Variants in KPNA4 observed in about 807,000 individuals in gnomAD.
KPNA4 encodes the protein importin subunit alpha-3.
Under a neutral mutation model 71.3 loss-of-function variants are expected in KPNA4, and 13 were observed. The ratio of observed to expected loss-of-function variants is 0.18; its 90% CI spans 0.12 to 0.29. The LOEUF (loss-of-function observed/expected upper bound fraction) is 0.29, where lower values mean the gene tolerates loss of function less well. KPNA4 is among the 10% of genes least tolerant of loss of function. The pLI is 1.00. For synonymous variants in KPNA4, 189 were observed against 195.2 expected, an observed-to-expected ratio of 0.97 and a Z score of 0.26; for missense variants, 334 against 603.2, an observed-to-expected ratio of 0.55 and a Z score of 4.67.
chr3:160,518,783 C>T (rs970419043), intron 11 of KPNA4, among the ~76,000 whole-genome samples: 1 of 151,962 alleles, frequency 6.6e-6, no homozygotes, highest in African/African-American at 2.4e-5. Flanking sequence ...ACTGCTTGAA[C>T]CTGGGAGGCA....
chr3:160,548,244 A>G (rs1047366608), intron 1 of KPNA4, among the ~76,000 whole-genome samples: 3 of 152,114 alleles, frequency 2.0e-5, no homozygotes, highest in African/African-American at 7.2e-5. Flanking sequence ...GGTAATATAT[A>G]CATAACAATA....
chr3:160,538,925 T>A (rs1721740574), intron 1 of KPNA4, among the ~76,000 whole-genome samples: 1 of 152,192 alleles, frequency 6.6e-6, no homozygotes, highest in Non-Finnish European at 1.5e-5. Flanking sequence ...TCCTTATCTA[T>A]AAAATTGGGA....
intron 1 of KPNA4, among the ~76,000 whole-genome samples, chr3:160,542,683 G>A (rs1286875456): frequency 1.3e-5 from 2 of 152,086 alleles, no homozygotes; most frequent in African/African-American, 4.8e-5. Context: ...TACTAGTGAT[G>A]GGCAAAAGTC....
intron 10 of KPNA4, among the ~76,000 whole-genome samples, chr3:160,525,408 A>T (rs1392629598): frequency 6.6e-6 from 1 of 152,214 alleles, no homozygotes; most frequent in Non-Finnish European, 1.5e-5. Context: ...TCATTGGCCA[A>T]ACTGTCAAAA....
chr3:160,534,586 C>T (rs1006768907), intron 5 of KPNA4, among the ~76,000 whole-genome samples: 2 of 150,956 alleles, frequency 1.3e-5, no homozygotes, highest in Non-Finnish European at 1.5e-5. Context: ...GGCATGGTGG[C>T]GGGCGCCTGT....
rs977146555 is a variant in KPNA4 at position 160,520,408 on chromosome 3, T to C, written c.903+1371A>G. 1.3e-4 allele frequency among the ~76,000 whole-genome samples: 19 copies of C among 151,582 alleles called. 1 individual carries two copies. The highest frequency in any genetic ancestry group is 4.6e-4 in the African/African-American group (19 of 41,330). ...CTAGGTCTACAGGCACATGCCACCA[T>C]GCCTGGCTAATTTTTTTTTTTTTTT... On this transcript the variant is annotated intron_variant, in intron 11 of 16. Transcript: ENST00000334256.
At chr3:160,512,091 G>A (rs1721107447) in intron 13 of KPNA4, among the ~76,000 whole-genome samples, 1 of 151,712 alleles carries the variant, frequency 6.6e-6, no homozygotes, top group Non-Finnish European at 1.5e-5. Context: ...GTTGATTCAG[G>A]CCTAGAAAAA....
intron 16 of KPNA4, among the ~76,000 whole-genome samples, chr3:160,504,017 G>C (rs997996185): frequency 6.6e-6 from 1 of 152,112 alleles, no homozygotes; most frequent in African/African-American, 2.4e-5. Context: ...CAGGGAGGGG[G>C]AGGTTGCAGT....
In KPNA4 at chr3:160,544,408, A is replaced by T. The variant is rs114144895; in HGVS notation, c.70-7568T>A. Among the ~76,000 whole-genome samples the T allele has an allele frequency of 4.7e-3, 710 of 152,322 alleles. 5 individuals are homozygous for T. The highest frequency in any genetic ancestry group is 0.016 in the African/African-American group (661 of 41,568). On this transcript the variant is annotated intron_variant, in intron 1 of 16. Transcript: ENST00000334256. ...TATAAATAAATCTACTCTAGTAAAC[A>T]AACACATATATAAGTTTTATATGAG... is the stretch of plus-strand genomic sequence containing the variant.
In KPNA4 at chr3:160,497,780, T is replaced by G. The variant is rs1720795384; in HGVS notation, c.*4324A>C. Reference sequence around the variant, plus strand: ...GCCAATGGTGGATTCTAACTGAAATTTTATATATAAATGGTAGATAATCCA... The same window carrying G: ...GCCAATGGTGGATTCTAACTGAAATGTTATATATAAATGGTAGATAATCCA... On this transcript the variant is annotated 3_prime_UTR_variant, in exon 17 of 17. Coordinates refer to ENST00000334256, the MANE Select transcript of KPNA4 (RefSeq NM_002268.5). 2 of 152,158 alleles carry G rather than the reference T, an allele frequency of 1.3e-5. No individual in the cohort carries two copies. The highest frequency in any genetic ancestry group is 2.9e-5 in the Non-Finnish European group (2 of 68,038). The allele number at this position is 152,158 out of a possible 1,614,324, so 9.4% of individuals were successfully genotyped here.
intron 15 of KPNA4, among the ~76,000 whole-genome samples, chr3:160,506,174 TTTTA>T (rs1577044849): frequency 2.7e-5 from 4 of 149,394 alleles, no homozygotes; most frequent in Non-Finnish European, 5.9e-5. Context: ...CTTTATTTTA[TTTTA>T]TTTTTTTTGA....
intron 2 of KPNA4, among the ~76,000 whole-genome samples, chr3:160,536,354 T>A (rs1347763304): frequency 6.6e-6 from 1 of 152,134 alleles, no homozygotes; most frequent in African/African-American, 2.4e-5. Flanking sequence ...TCAAGGGCCA[T>A]TTCAACTTCA....
At chr3:160,539,132 C>G (rs916805943) in intron 1 of KPNA4, among the ~76,000 whole-genome samples, 3 of 152,184 alleles carry the variant, frequency 2.0e-5, no homozygotes, top group Admixed American at 2.0e-4. Context: ...GAAGGCTTTT[C>G]CCTTCCTGAC....
At chr3:160,532,668 T>C (rs554251484) in intron 5 of KPNA4, among the ~76,000 whole-genome samples, 6 of 152,340 alleles carry the variant, frequency 3.9e-5, no homozygotes, top group South Asian at 2.1e-4. Flanking sequence ...TGTATTACTA[T>C]ATAAAAGCAA....
chr3:160,507,360 C>T (rs1228630080), intron 15 of KPNA4, among the ~76,000 whole-genome samples: 5 of 151,862 alleles, frequency 3.3e-5, no homozygotes, highest in African/African-American at 9.7e-5. Context: ...ATTAGCTGGG[C>T]GTGGTGGCAG....
intron 1 of KPNA4, among the ~76,000 whole-genome samples, chr3:160,544,319 A>AG (rs1721863848): frequency 6.6e-6 from 1 of 152,232 alleles, no homozygotes; most frequent in African/African-American, 2.4e-5. Flanking sequence ...TAACCTTCTC[A>AG]GGGTTGGGAA....
rs538290438 is a variant in KPNA4, at chr3:160,555,031, T to C, written c.69+10183A>G. 2.0e-5 allele frequency among the ~76,000 whole-genome samples: 3 copies of C among 152,300 alleles called. No individual in the cohort carries two copies. The South Asian group carries it at 6.2e-4, about 32-fold the overall frequency. On this transcript the variant is annotated intron_variant, in intron 1 of 16. Coordinates refer to ENST00000334256, the MANE Select transcript of KPNA4 (RefSeq NM_002268.5). Reference sequence around the variant, plus strand: ...GACATAACCTGTGCTTGTGATTCCATCTGAAGTGGGGGACACTCCCATGGG... The same window carrying C: ...GACATAACCTGTGCTTGTGATTCCACCTGAAGTGGGGGACACTCCCATGGG...
chr3:160,514,663 A>G (rs1721165952), intron 12 of KPNA4, among the ~76,000 whole-genome samples: 1 of 152,238 alleles, frequency 6.6e-6, no homozygotes, highest in South Asian at 2.1e-4. Flanking sequence ...CATAAAAAAC[A>G]AAGTGCATTG....
chr3:160,554,494 C>T (rs570553226), intron 1 of KPNA4, among the ~76,000 whole-genome samples: 1 of 152,168 alleles, frequency 6.6e-6, no homozygotes, highest in African/African-American at 2.4e-5. Context: ...TCCAGACATA[C>T]AACTTCTAAA....
Sources: allele counts gnomAD v4.1 joint callset (sites outside exome capture counted in the v4.1 genomes callset), GRCh38; gene constraint gnomAD v4.1.1; transcripts MANE v1.5; gene names NCBI Gene and HGNC (gene_info 2026-07-23, HGNC 2026-07-21).